The following NELL1 variants were observed in gnomAD, a reference collection of about 807,000 sequenced individuals.
NELL1 encodes the protein neural EGFL like 1.
In NELL1, 76 loss-of-function variants were observed where a neutral mutation model predicts 107.4. The ratio of observed to expected loss-of-function variants is 0.71; its 90% CI spans 0.59 to 0.86. The LOEUF is 0.86. Ranked by LOEUF, NELL1 falls within the 40% of genes least tolerant of loss-of-function variation. The probability of loss-of-function intolerance (pLI) is 0.00; values close to 1 mark genes in which losing one functional copy is unlikely to be tolerated. For missense variants in NELL1, 1,024 were observed against 1,005.5 expected (o/e 1.02, Z -0.25); for synonymous variants, 353 against 341.2 (o/e 1.03, Z -0.38).
chr11:21,142,510 T>C (rs1269384032), intron 13 of NELL1, among the ~76,000 whole-genome samples: 1 of 152,228 alleles, frequency 6.6e-6, no homozygotes, highest in African/African-American at 2.4e-5. Flanking sequence ...GGACAGAGGT[T>C]TCCATTTTGC....
chr11:21,136,739 T>C (rs2133765783), intron 13 of NELL1, among the ~76,000 whole-genome samples: 1 of 152,338 alleles, frequency 6.6e-6, no homozygotes, highest in Non-Finnish European at 1.5e-5. Context: ...ATTGTTACTG[T>C]TATCATCTTC....
intron 3 of NELL1, among the ~76,000 whole-genome samples, chr11:20,819,459 C>T (rs1457374650): frequency 6.6e-6 from 1 of 152,180 alleles, no homozygotes; most frequent in Non-Finnish European, 1.5e-5. Flanking sequence ...TGTCCAGTGC[C>T]CACTTGGGCC....
intron 5 of NELL1, among the ~76,000 whole-genome samples, chr11:20,897,435 T>C (rs1305359982): frequency 6.6e-6 from 1 of 152,216 alleles, no homozygotes; most frequent in Non-Finnish European, 1.5e-5. Context: ...AATATTTAAA[T>C]GTTAGACCTA....
Position 21,497,265 on chromosome 11 carries a change from C to G in NELL1, c.1646-37109C>G, listed in dbSNP as rs533725257. 2.4e-4 allele frequency among the ~76,000 whole-genome samples: 37 copies of G among 152,068 alleles called. No individual in the cohort carries two copies. The South Asian group carries it at 7.5e-3, about 31-fold the overall frequency. On this transcript the variant is annotated intron_variant, in intron 15 of 19. Transcript: ENST00000357134. Reference sequence around the variant, plus strand: ...GGCACATGTATACATATGTAACAAACCTGCACGTTGTGCACATGTACCCTA... The same window carrying G: ...GGCACATGTATACATATGTAACAAAGCTGCACGTTGTGCACATGTACCCTA...
At chr11:21,304,521 C>T (rs1458609810) in intron 14 of NELL1, among the ~76,000 whole-genome samples, 1 of 151,316 alleles carries the variant, frequency 6.6e-6, no homozygotes, top group Non-Finnish European at 1.5e-5. Flanking sequence ...GTCCTTAGGG[C>T]TGAACCAACT....
At chr11:21,107,019 C>T (rs918039783) in intron 12 of NELL1, among the ~76,000 whole-genome samples, 1 of 152,096 alleles carries the variant, frequency 6.6e-6, no homozygotes, top group Non-Finnish European at 1.5e-5. Context: ...ATTTTTAGAG[C>T]AGTTCTACGC....
rs541401658 is a variant in NELL1 at position 20,707,195 on chromosome 11, A to G, written c.184+29135A>G. ...GCGTTTGTCACGTAGTTCTCCTGCC[A>G]TGGTGTTCAGCTCTATCAGGTCATT... On this transcript the variant is annotated intron_variant, in intron 2 of 19. Transcript: ENST00000357134. Among the ~76,000 whole-genome samples, 5 of 152,244 alleles carry G rather than the reference A, an allele frequency of 3.3e-5. No homozygotes were observed. The East Asian group carries it at 7.7e-4, about 24-fold the overall frequency.
intron 14 of NELL1, among the ~76,000 whole-genome samples, chr11:21,243,867 C>A (rs1351074146): frequency 1.3e-5 from 2 of 152,080 alleles, no homozygotes; most frequent in Non-Finnish European, 2.9e-5. Context: ...ACTCTTTAAT[C>A]TGCACCCTTA....
At chr11:20,959,343 A>G (rs1461795179) in intron 11 of NELL1, among the ~76,000 whole-genome samples, 1 of 152,212 alleles carries the variant, frequency 6.6e-6, no homozygotes, top group East Asian at 1.9e-4. Flanking sequence ...AGAGGAAAAG[A>G]ACTCATTATA....
rs147509112 is a variant in NELL1 at position 21,015,917 on chromosome 11, G to A, written c.1300+55357G>A. 3.0e-3 allele frequency among the ~76,000 whole-genome samples: 464 copies of A among 152,172 alleles called. 3 individuals carry two copies. The highest frequency in any genetic ancestry group is 8.9e-3 in the African/African-American group (371 of 41,528). Reference sequence around the variant, plus strand: ...TGGGTGACTGTTTTGCTTTATAAATGACCATTTAGTCCTGGTTTGTGTGAA... The same window carrying A: ...TGGGTGACTGTTTTGCTTTATAAATAACCATTTAGTCCTGGTTTGTGTGAA... On this transcript the variant is annotated intron_variant, in intron 12 of 19. Transcript: ENST00000357134.
At chr11:21,361,423 C>G (rs1436407815) in intron 14 of NELL1, among the ~76,000 whole-genome samples, 1 of 151,956 alleles carries the variant, frequency 6.6e-6, no homozygotes, top group Non-Finnish European at 1.5e-5. Flanking sequence ...AAGATTCTTT[C>G]CTTTGTCCTG....
chr11:21,096,350 T>A (rs1437425874), intron 12 of NELL1, among the ~76,000 whole-genome samples: 1 of 152,206 alleles, frequency 6.6e-6, no homozygotes, highest in Non-Finnish European at 1.5e-5. Flanking sequence ...CTCTCAGCCT[T>A]TTTGAATTCC....
chr11:20,696,668 C>T (rs1854625646), intron 2 of NELL1, among the ~76,000 whole-genome samples: 1 of 152,090 alleles, frequency 6.6e-6, no homozygotes, highest in Admixed American at 6.6e-5. Flanking sequence ...AATAAAAATA[C>T]TACTCAATTT....
chr11:20,856,657 C>T (rs182226406), intron 4 of NELL1, among the ~76,000 whole-genome samples: 57 of 152,306 alleles, frequency 3.7e-4, no homozygotes, highest in African/African-American at 1.3e-3. Flanking sequence ...ATCTGCTTTC[C>T]AGGTCTGATG....
chr11:21,275,721 C>G (rs1848840823), intron 14 of NELL1, among the ~76,000 whole-genome samples: 1 of 152,216 alleles, frequency 6.6e-6, no homozygotes, highest in Admixed American at 6.5e-5. Context: ...TGGGCTTCAT[C>G]TCTGGGATGC....
chr11:20,731,815 G>A (rs1243808331), intron 2 of NELL1, among the ~76,000 whole-genome samples: 1 of 152,198 alleles, frequency 6.6e-6, no homozygotes, highest in Non-Finnish European at 1.5e-5. Flanking sequence ...CAAGTATTGA[G>A]TAAATGGCAG....
At chr11:21,498,589 T>A (rs1855050167) in intron 15 of NELL1, among the ~76,000 whole-genome samples, 2 of 151,862 alleles carry the variant, frequency 1.3e-5, no homozygotes, top group Admixed American at 1.3e-4. Context: ...GTTTCCATTT[T>A]TAATACAAAT....
At chr11:21,130,563 G>A (rs1292118560) in intron 13 of NELL1, among the ~76,000 whole-genome samples, 4 of 152,114 alleles carry the variant, frequency 2.6e-5, no homozygotes, top group Non-Finnish European at 5.9e-5. Context: ...TAGAGTCAGG[G>A]ACAGAAATAT....
At chr11:20,825,843 G>C (rs1857870059) in intron 3 of NELL1, among the ~76,000 whole-genome samples, 1 of 151,128 alleles carries the variant, frequency 6.6e-6, no homozygotes, top group African/African-American at 2.4e-5. Flanking sequence ...ACCTGGGAGG[G>C]GCCAGGGGTG....
Sources: gnomAD v4.1 joint callset for allele counts (sites outside exome capture counted in the v4.1 genomes callset) on GRCh38, gnomAD v4.1.1 for gene constraint, MANE v1.5 for transcripts, NCBI Gene and HGNC (gene_info 2026-07-23, HGNC 2026-07-21) for gene names.